The following SGCZ variants were observed in gnomAD, a reference collection of about 807,000 sequenced individuals.
SGCZ encodes sarcoglycan zeta.
A neutral mutation model predicts 41.3 loss-of-function variants in SGCZ; 40 were observed. The ratio of observed to expected loss-of-function variants is 0.97; its 90% CI spans 0.75 to 1.26. The LOEUF (loss-of-function observed/expected upper bound fraction) is 1.26, where lower values mean the gene tolerates loss of function less well. Among genes scored for constraint, SGCZ ranks in the 50% most tolerant of loss-of-function variants. The probability of loss-of-function intolerance (pLI) is 0.00; values close to 1 mark genes in which losing one functional copy is unlikely to be tolerated. For synonymous variants in SGCZ, 206 were observed against 137.5 expected (o/e 1.50, Z -3.49); for missense variants, 552 against 369.8 (o/e 1.49, Z -4.04).
intron 2 of SGCZ, among the ~76,000 whole-genome samples, chr8:14,390,901 C>A (rs1412905228): frequency 6.6e-6 from 1 of 151,950 alleles, no homozygotes; most frequent in Non-Finnish European, 1.5e-5. Flanking sequence ...AACTTTGACA[C>A]CACTCATGAG....
chr8:14,567,332 G>C (rs111711122), intron 1 of SGCZ, among the ~76,000 whole-genome samples: 1 of 152,296 alleles, frequency 6.6e-6, no homozygotes, highest in African/African-American at 2.4e-5. Context: ...GAATCTTTAT[G>C]TCTAGCTAAG....
intron 1 of SGCZ, among the ~76,000 whole-genome samples, chr8:15,050,518 T>C (rs1804473381): frequency 6.6e-6 from 1 of 152,182 alleles, no homozygotes; most frequent in South Asian, 2.1e-4. Context: ...GAAGACAACA[T>C]GTGACCCATG....
intron 1 of SGCZ, among the ~76,000 whole-genome samples, chr8:14,982,774 T>A (rs1258180647): frequency 6.6e-6 from 1 of 152,172 alleles, no homozygotes; most frequent in African/African-American, 2.4e-5. Context: ...ATTCTAGATA[T>A]AATTCAGGGG....
chr8:15,234,819 T>A (rs190066756), intron 1 of SGCZ, among the ~76,000 whole-genome samples: 1 of 152,166 alleles, frequency 6.6e-6, no homozygotes, highest in Non-Finnish European at 1.5e-5. Context: ...CAAATAAAGA[T>A]AAATTATCAG....
intron 1 of SGCZ, among the ~76,000 whole-genome samples, chr8:15,161,329 C>G (rs1216814348): frequency 1.3e-5 from 2 of 152,146 alleles, no homozygotes; most frequent in Non-Finnish European, 2.9e-5. Context: ...AAAATTTCAG[C>G]TTTCTCATTT....
rs571738270 is a variant in SGCZ, at chr8:15,092,115, A to C, written c.39+145470T>G. Among the ~76,000 whole-genome samples the C allele has an allele frequency of 1.1e-4, 16 of 152,232 alleles. 1 individual carries two copies. The South Asian group carries it at 3.3e-3, about 31-fold the overall frequency. ...ACTAAAAACAGCTATATAAAAAAAC[A>C]GCATAATACGGTCAGTGAAAACGCT... On this transcript the variant is annotated intron_variant, in intron 1 of 7. Transcript: ENST00000382080.
chr8:14,297,726 C>T (rs911739166), intron 3 of SGCZ, among the ~76,000 whole-genome samples: 1 of 151,976 alleles, frequency 6.6e-6, no homozygotes, highest in Non-Finnish European at 1.5e-5. Context: ...GTAACTATAT[C>T]TGATCCATTT....
At chr8:14,332,072 C>A (rs756069474) in intron 2 of SGCZ, among the ~76,000 whole-genome samples, 2 of 151,978 alleles carry the variant, frequency 1.3e-5, no homozygotes, top group African/African-American at 4.8e-5. Context: ...TTTTAACTAT[C>A]CACATATCAC....
At chr8:14,276,142 C>T (rs1481785047) in intron 3 of SGCZ, among the ~76,000 whole-genome samples, 1 of 152,172 alleles carries the variant, frequency 6.6e-6, no homozygotes, top group Non-Finnish European at 1.5e-5. Context: ...AATTCCTTTA[C>T]ATGTGTATCC....
chr8:14,533,554 G>C (rs1006045849), intron 2 of SGCZ, among the ~76,000 whole-genome samples: 3 of 151,856 alleles, frequency 2.0e-5, no homozygotes, highest in South Asian at 2.1e-4. Flanking sequence ...TGTGGTTTTT[G>C]TTTCAAAGAA....
rs530780421 is a variant in SGCZ, at chr8:14,381,422, C to T, written c.235-57218G>A. ...GATGATAATCCATATTTTACCACTT[C>T]CTGCCCCCTCATTCCCATATAACTC... is the stretch of plus-strand genomic sequence containing the variant. On this transcript the variant is annotated intron_variant, in intron 2 of 7. Coordinates refer to ENST00000382080, the MANE Select transcript of SGCZ (RefSeq NM_139167.4). Among the ~76,000 whole-genome samples the T allele has an allele frequency of 1.9e-4, 29 of 152,254 alleles. 1 individual carries two copies. Among genetic ancestry groups the T allele is most frequent in the Middle Eastern group, 6.8e-3 (2 of 294 alleles).
intron 4 of SGCZ, among the ~76,000 whole-genome samples, chr8:14,211,328 C>G (rs543405322): frequency 6.6e-6 from 1 of 152,248 alleles, no homozygotes; most frequent in South Asian, 2.1e-4. Context: ...CATGAAGCTT[C>G]TCTGCCTTCA....
chr8:15,058,099 C>G (rs1186225478), intron 1 of SGCZ, among the ~76,000 whole-genome samples: 2 of 152,108 alleles, frequency 1.3e-5, no homozygotes, highest in Non-Finnish European at 2.9e-5. Context: ...CGAGGGTGGT[C>G]AAGTAGATGG....
At chr8:14,791,698 G>A (rs186002067) in intron 1 of SGCZ, among the ~76,000 whole-genome samples, 2 of 152,268 alleles carry the variant, frequency 1.3e-5, no homozygotes, top group East Asian at 3.9e-4. Flanking sequence ...CAGCAACCCA[G>A]GAGAATATTA....
intron 1 of SGCZ, among the ~76,000 whole-genome samples, chr8:15,112,946 A>C (rs996047478): frequency 2.6e-5 from 4 of 152,148 alleles, no homozygotes; most frequent in African/African-American, 7.2e-5. Flanking sequence ...AAATGAAAAA[A>C]AGCAGGGCAC....
At chr8:14,115,243 C>A (rs1233728012) in intron 5 of SGCZ, among the ~76,000 whole-genome samples, 1 of 151,938 alleles carries the variant, frequency 6.6e-6, no homozygotes, top group African/African-American at 2.4e-5. Flanking sequence ...TCTAGAGAAT[C>A]CTGAGTGAGA....
chr8:14,268,877 T>G (rs2117257342), intron 3 of SGCZ, among the ~76,000 whole-genome samples: 1 of 151,896 alleles, frequency 6.6e-6, no homozygotes, highest in Non-Finnish European at 1.5e-5. Context: ...TGACTATAAC[T>G]TAAAGAGAAA....
intron 5 of SGCZ, among the ~76,000 whole-genome samples, chr8:14,133,450 C>A (rs150041661): frequency 2.1e-3 from 314 of 152,238 alleles, no homozygotes; most frequent in Non-Finnish European, 3.1e-3. Flanking sequence ...AGCATCTTTT[C>A]TTTCACGTAG....
intron 1 of SGCZ, among the ~76,000 whole-genome samples, chr8:14,592,675 T>C (rs895112558): frequency 6.6e-6 from 1 of 152,208 alleles, no homozygotes; most frequent in African/African-American, 2.4e-5. Context: ...AAATTTCTTT[T>C]ACCAATATTC....
Sources: gnomAD v4.1 joint callset for allele counts (sites outside exome capture counted in the v4.1 genomes callset) on GRCh38, gnomAD v4.1.1 for gene constraint, MANE v1.5 for transcripts, NCBI Gene and HGNC (gene_info 2026-07-23, HGNC 2026-07-21) for gene names.